Variants in CD2BP2 observed in about 807,000 individuals in gnomAD.
CD2BP2 encodes CD2 antigen cytoplasmic tail-binding protein 2.
CD2BP2 carries 27 observed loss-of-function variants against 35.9 expected under a neutral mutation model. The observed-to-expected ratio is 0.75, with a 90% CI of 0.55 to 1.04. The LOEUF is 1.04. Ranked by LOEUF, CD2BP2 falls within the 50% of genes least tolerant of loss-of-function variation. The pLI is 0.00. For missense variants in CD2BP2, 497 were observed against 444.3 expected (o/e 1.12, Z -1.07); for synonymous variants, 213 against 173.5 (o/e 1.23, Z -1.79).
chr16:30,353,100 A>G lies in CD2BP2; in HGVS notation c.916-5T>C, dbSNP rs757297593. ...GTAGCCTTCACTCACCCAGGTCTGC[A>G]AGGAGAGGGCAGAGCTGGGGAACAA... On this transcript the variant is annotated splice_polypyrimidine_tract_variant and splice_region_variant and intron_variant, in intron 6 of 6. Coordinates refer to ENST00000305596, the MANE Select transcript of CD2BP2 (RefSeq NM_006110.3). 1 of 1,611,546 alleles carries G rather than the reference A, an allele frequency of 6.2e-7. No homozygotes were observed.
At position 30,353,022 on chromosome 16, in the gene CD2BP2, T is replaced by C. The variant is rs779702656; in HGVS notation, c.989A>G (p.Tyr330Cys). ...RKLDPPGGQF[Y>C]NSKRIDFDLY... ...GTCAAAGTCAATGCGTTTGGAGTTGTAGAACTGACCACCAGGGGGGTCCAG... is the reference window on the plus strand; with the variant it reads ...GTCAAAGTCAATGCGTTTGGAGTTGCAGAACTGACCACCAGGGGGGTCCAG... Residue 330 changes from tyrosine (Y) to cysteine (C), a missense_variant, in exon 7 of 7, where the codon TAC becomes TGC. By Grantham distance (194) the Tyr-to-Cys change is radical. Transcript: ENST00000305596. 1 of 1,613,840 alleles carries C rather than the reference T, an allele frequency of 6.2e-7. No homozygotes were observed. Among genetic ancestry groups the C allele is most frequent in the Non-Finnish European group, 8.5e-7 (1 of 1,179,852 alleles).
intron 3 of CD2BP2, 62 bp downstream of exon 3, chr16:30,354,122 T>C (rs1344961225): frequency 2.5e-6 from 4 of 1,612,354 alleles, no homozygotes; most frequent in Admixed American, 1.7e-5. Context: ...CCTCCCTCGC[T>C]CCACACCACC....
In CD2BP2 at chr16:30,353,017, A is replaced by C. The variant is rs1210913643; in HGVS notation, c.994T>G (p.Ser332Ala). The C allele has an allele frequency of 1.2e-6, 2 of 1,613,686 alleles. No homozygotes were observed. Among genetic ancestry groups the C allele is most frequent in the Non-Finnish European group, 1.7e-6 (2 of 1,179,692 alleles). ...TAGAGGTCAAAGTCAATGCGTTTGG[A>C]GTTGTAGAACTGACCACCAGGGGGG... ...LDPPGGQFYN[S>A]KRIDFDLYT Residue 332 changes from serine (S) to alanine (A), a missense_variant, in exon 7 of 7, where the codon TCC becomes GCC. Transcript: ENST00000305596.
At chr16:30,354,371 C>A (rs2049515655) in intron 2 of CD2BP2, 49 bp from the exon 3 acceptor site, 2 of 1,581,632 alleles carry the variant, frequency 1.3e-6, no homozygotes, top group South Asian at 1.2e-5. Flanking sequence ...CTGGCTACCT[C>A]CCCAAATACT....
rs1018956309 is a variant in CD2BP2 at position 30,353,535 on chromosome 16, T to C, written c.641A>G (p.Asn214Ser). The stretch of plus-strand genomic sequence containing the variant: ...CCTTGTTTCCTGGTACACACCAAGG[T>C]TGCCCCGGGCCACCATCTGGTCGGC... ...GLADQMVARG[N>S]LGVYQETRER... is the part of the protein sequence containing the mutation. The change falls in exon 5 of 7, where the codon AAC becomes AGC. Residue 214 changes from asparagine to serine, a missense_variant. Coordinates refer to ENST00000305596, the MANE Select transcript of CD2BP2 (RefSeq NM_006110.3). 2 of 1,614,162 alleles carry C rather than the reference T, an allele frequency of 1.2e-6. No homozygotes were observed. The highest frequency in any genetic ancestry group is 2.7e-5 in the African/African-American group (2 of 75,038).
At position 30,354,285 on chromosome 16, in the gene CD2BP2, C is replaced by T. The variant is rs1176694872; in HGVS notation, c.116G>A (p.Ser39Asn). 3.7e-6 allele frequency: 6 copies of T among 1,614,094 alleles called. No homozygotes were observed. The highest frequency in any genetic ancestry group is 4.2e-6 in the Non-Finnish European group (5 of 1,180,004). ...CAAAGAGTGTTTGCCTTTAAAGCGG[C>T]TCCCAGGACCCCCTGACCCAGCCAC... ...DPVAGSGGPGSRFKGKHSLDS... is the reference protein window; with the variant it reads ...DPVAGSGGPGNRFKGKHSLDS... Residue 39 changes from serine (S) to asparagine (N), a missense_variant, in exon 3 of 7, where the codon AGC (serine) becomes AAC (asparagine). Physicochemically the swap from Ser to Asn is conservative, Grantham distance 46. Transcript: ENST00000305596.
At chr16:30,354,551 C>G in intron 2 of CD2BP2, 53 bp downstream of exon 2, 1 of 1,585,344 alleles carries the variant, frequency 6.3e-7, no homozygotes, top group Non-Finnish European at 8.7e-7. Context: ...CTTTCTTCCT[C>G]TTCAGGCTTC....
intron 1 of CD2BP2, 66 bp from the exon 2 acceptor site, chr16:30,354,773 C>A (rs797017785): frequency 9.0e-7 from 1 of 1,112,678 alleles, no homozygotes. Context: ...CGCAGCACAG[C>A]AAACATTTTT....
In CD2BP2 at chr16:30,352,329, T is replaced by G. The variant is rs2049488557; in HGVS notation, c.*656A>C. 1 of 152,974 alleles carries G rather than the reference T, an allele frequency of 6.5e-6. No homozygotes were observed. The allele number at this position is 152,974 out of a possible 1,614,324, so 9.5% of individuals were successfully genotyped here. On this transcript the variant is annotated 3_prime_UTR_variant, in exon 7 of 7. Coordinates refer to ENST00000305596, the MANE Select transcript of CD2BP2 (RefSeq NM_006110.3). ...ACTTGGCCCACACTTGGCCACTGAG[T>G]TTGCACTTCACTGAAGGGCTGTGGG...
chr16:30,354,882 C>G (rs938663664), intron 1 of CD2BP2, 175 bp from the exon 2 acceptor site: 4 of 598,136 alleles, frequency 6.7e-6, no homozygotes, highest in Non-Finnish European at 9.0e-6. Context: ...TTGGGTCTAG[C>G]ATCCGCGAGT....
chr16:30,354,091 C>A, intron 3 of CD2BP2, 33 bp from the exon 4 acceptor site: 2 of 1,612,856 alleles, frequency 1.2e-6, no homozygotes, highest in East Asian at 2.2e-5. Context: ...CTTTTCCAGG[C>A]ATGGAAAAAA....
rs578153204 is a variant in CD2BP2, at chr16:30,352,065, C to G, written c.*920G>C. On this transcript the variant is annotated 3_prime_UTR_variant, in exon 7 of 7. Coordinates refer to ENST00000305596, the MANE Select transcript of CD2BP2 (RefSeq NM_006110.3). ...TGTCTATTTCCCATGCCCCTGCCAC[C>G]AGACTCTGAATTCCTGGAAGGGGAC... is the stretch of plus-strand genomic sequence containing the variant. The G allele has an allele frequency of 1.2e-4, 18 of 152,634 alleles. No homozygotes were observed. Among genetic ancestry groups the G allele is most frequent in the African/African-American group, 4.3e-4 (18 of 41,604 alleles). The allele number at this position is 152,634 out of a possible 1,614,324, so 9.5% of individuals were successfully genotyped here.
Position 30,351,261 on chromosome 16 carries a change from G to A in CD2BP2, c.*1724C>T, listed in dbSNP as rs1220542444. The A allele has an allele frequency of 6.6e-6, 1 of 152,362 alleles. No homozygotes were observed. Among genetic ancestry groups the A allele is most frequent in the African/African-American group, 2.4e-5 (1 of 41,440 alleles). 9.4% of individuals were successfully genotyped at this position (152,362 alleles called of 1,614,324 possible). On this transcript the variant is annotated 3_prime_UTR_variant, in exon 7 of 7. Transcript: ENST00000305596. ...TCGGCTTCAGAAGGGCTAGGTTTGA[G>A]TGCCTGGAGGACACTGGCAGGAGGC...
chr16:30,352,540 G>C lies in CD2BP2; in HGVS notation c.*445C>G, dbSNP rs1213658792. 1 of 174,824 alleles carries C rather than the reference G, an allele frequency of 5.7e-6. No homozygotes were observed. Among genetic ancestry groups the C allele is most frequent in the East Asian group, 1.5e-4 (1 of 6,790 alleles). 10.8% of individuals were successfully genotyped at this position (174,824 alleles called of 1,614,324 possible). A position where few individuals can be genotyped will look rare whatever the true frequency, so the allele number is the denominator to read the frequency against. ...GGTCCCAATGTCTTCTCGATGCCCT[G>C]GTCCTTCTGGGCCTAAAACATCCAC... On this transcript the variant is annotated 3_prime_UTR_variant, in exon 7 of 7. Transcript: ENST00000305596.
At position 30,353,470 on chromosome 16, in the gene CD2BP2, T is replaced by C; in HGVS notation, c.706A>G (p.Thr236Ala). The change falls in exon 5 of 7, where the codon ACC becomes GCC. Residue 236 changes from threonine (T) to alanine (A), a missense_variant. Thr to Ala is a moderately conservative substitution (Grantham distance 58). Coordinates refer to ENST00000305596, the MANE Select transcript of CD2BP2 (RefSeq NM_006110.3). ...GGTGTGGGATTGTGGGGTCCTAGGGTCTGACACCCCAAACCCTTCAGACGC... is the reference window on the plus strand; with the variant it reads ...GGTGTGGGATTGTGGGGTCCTAGGGCCTGACACCCCAAACCCTTCAGACGC... Reference protein sequence around the residue: ...AMRLKGLGCQTLGPHNPTPPP... With the variant: ...AMRLKGLGCQALGPHNPTPPP... 6.2e-7 allele frequency: 1 copy of C among 1,613,896 alleles called. No individual in the cohort carries two copies. The highest frequency in any genetic ancestry group is 8.5e-7 in the Non-Finnish European group (1 of 1,179,922).
Position 30,352,808 on chromosome 16 carries a change from G to GC in CD2BP2, c.*176dup. ...CAAGTCCAAAGGGACTGTGGAGAAG[G>GC]CCCCTGGCTTCTGGCCATCAGCACA... On this transcript the variant is annotated 3_prime_UTR_variant, in exon 7 of 7. Transcript: ENST00000305596. 3.3e-6 allele frequency: 2 copies of GC among 605,002 alleles called. No homozygotes were observed. The highest frequency in any genetic ancestry group is 3.0e-6 in the Non-Finnish European group (1 of 338,832). 37.5% of individuals were successfully genotyped at this position (605,002 alleles called of 1,614,324 possible).
Position 30,354,519 on chromosome 16 carries a change from C to T in CD2BP2, c.78+85G>A. On this transcript the variant is annotated intron_variant, in intron 2 of 6. Coordinates refer to ENST00000305596, the MANE Select transcript of CD2BP2 (RefSeq NM_006110.3). ...AAAACTAGGCTTTTCTCTGCCTGCC[C>T]GCCCCGCCCCTCTCCCGCCAGCTTT... is the stretch of plus-strand genomic sequence containing the variant. The T allele has an allele frequency of 4.7e-6, 7 of 1,482,400 alleles. No homozygotes were observed. In the East Asian group the frequency reaches 6.8e-5, roughly 14 times the overall value. The allele number at this position is 1,482,400 out of a possible 1,614,324, so 91.8% of individuals were successfully genotyped here. A position where few individuals can be genotyped will look rare whatever the true frequency, so the allele number is the denominator to read the frequency against.
At position 30,354,713 on chromosome 16, in the gene CD2BP2, G is replaced by C. The variant is rs199751070; in HGVS notation, c.-26-6C>G. 1.2e-6 allele frequency: 2 copies of C among 1,603,764 alleles called. No individual in the cohort carries two copies. Among genetic ancestry groups the C allele is most frequent in the Non-Finnish European group, 1.7e-6 (2 of 1,170,778 alleles). ...GCAAAGAGGTGTTTCTCAAGCTGAG[G>C]AAAGGATGCAGAGGAAGGGAACCGG... On this transcript the variant is annotated splice_polypyrimidine_tract_variant and splice_region_variant and intron_variant, in intron 1 of 6. Transcript: ENST00000305596.
intron 3 of CD2BP2, 50 bp from the exon 4 acceptor site, chr16:30,354,108 G>T: frequency 6.2e-7 from 1 of 1,612,952 alleles, no homozygotes; most frequent in Non-Finnish European, 8.5e-7. Flanking sequence ...AAAAGAGACC[G>T]GAGCCTCCCT....
Sources: allele counts gnomAD v4.1 joint callset, GRCh38; gene constraint gnomAD v4.1.1; transcripts MANE v1.5; gene names NCBI Gene and HGNC (gene_info 2026-07-23, HGNC 2026-07-21).